The following TTC39B variants were observed in gnomAD, a reference collection of about 807,000 sequenced individuals.
The protein encoded by TTC39B is tetratricopeptide repeat protein 39B.
A neutral mutation model predicts 96.6 loss-of-function variants in TTC39B; 92 were observed. The observed-to-expected ratio is 0.95, with a 90% CI of 0.80 to 1.13. The LOEUF is 1.13. TTC39B is among the 50% of genes most tolerant of loss of function. TTC39B has a pLI of 0.00. For missense variants in TTC39B, 955 were observed against 809.3 expected, an observed-to-expected ratio of 1.18 and a Z score of -2.18; for synonymous variants, 367 against 299.4, an observed-to-expected ratio of 1.23 and a Z score of -2.33.
At chr9:15,234,839 C>G (rs1821693499) in intron 2 of TTC39B, among the ~76,000 whole-genome samples, 3 of 151,898 alleles carry the variant, frequency 2.0e-5, no homozygotes, top group Non-Finnish European at 4.4e-5. Context: ...CAGCATGCTC[C>G]TTAAGAGTCA....
At chr9:15,199,199 A>G (rs1055290743) in intron 8 of TTC39B, among the ~76,000 whole-genome samples, 1 of 152,234 alleles carries the variant, frequency 6.6e-6, no homozygotes, top group Non-Finnish European at 1.5e-5. Flanking sequence ...ATTTCCATCT[A>G]TTGCAGAAAG....
intron 2 of TTC39B, 35 bp from the exon 3 acceptor site, chr9:15,226,047 T>G (rs752246835): frequency 6.9e-6 from 11 of 1,599,426 alleles, no homozygotes; most frequent in Middle Eastern, 3.5e-4. Flanking sequence ...GGTTTTTTAT[T>G]TCTTTGTCCT....
chr9:15,226,386 T>C (rs1367027788), intron 2 of TTC39B, among the ~76,000 whole-genome samples: 1 of 152,204 alleles, frequency 6.6e-6, no homozygotes, highest in African/African-American at 2.4e-5. Context: ...TGGTATACAG[T>C]ATAATGGATT....
At chr9:15,200,727 G>A (rs889274205) in intron 7 of TTC39B, among the ~76,000 whole-genome samples, 15 of 152,322 alleles carry the variant, frequency 9.8e-5, no homozygotes, top group Middle Eastern at 3.4e-3. Context: ...CTGGCTGGGC[G>A]TGGTGGCTCA....
intron 1 of TTC39B, among the ~76,000 whole-genome samples, chr9:15,293,981 A>C (rs1824281708): frequency 6.6e-6 from 1 of 152,190 alleles, no homozygotes; most frequent in Admixed American, 6.5e-5. Flanking sequence ...ACATGGCTGC[A>C]CTGCAGTCTC....
rs938400199 is a variant in TTC39B at position 15,287,418 on chromosome 9, T to C, written c.241-19470A>G. ...CGTAACAGAGTTACGGAAGAGATGA[T>C]TGTCTCCAATTGCCACAGTTGAAAT... is the stretch of plus-strand genomic sequence containing the variant. On this transcript the variant is annotated intron_variant, in intron 1 of 19. Coordinates refer to ENST00000512701, the Ensembl canonical transcript of TTC39B. Among the ~76,000 whole-genome samples the C allele has an allele frequency of 5.9e-5, 9 of 152,296 alleles. No homozygotes were observed. In the East Asian group the frequency reaches 1.5e-3, roughly 26 times the overall value.
At chr9:15,254,733 C>A (rs1822685172) in intron 2 of TTC39B, among the ~76,000 whole-genome samples, 1 of 151,920 alleles carries the variant, frequency 6.6e-6, no homozygotes, top group African/African-American at 2.4e-5. Flanking sequence ...AAGCAAACTA[C>A]ACATTATGGG....
intron 2 of TTC39B, among the ~76,000 whole-genome samples, chr9:15,245,879 C>T (rs941147304): frequency 6.6e-6 from 1 of 152,182 alleles, no homozygotes; most frequent in African/African-American, 2.4e-5. Context: ...TCTGTTTGCT[C>T]TTCTGCAATT....
exon 20 of TTC39B, chr9:15,167,375 G>A (rs1588823688): frequency 6.6e-6 from 1 of 151,492 alleles, no homozygotes; most frequent in African/African-American, 2.4e-5. Flanking sequence ...AGTAATACTG[G>A]CCTAGTTGAG....
intron 16 of TTC39B, chr9:15,183,462 T>C (rs1331500509): frequency 1.1e-5 from 2 of 174,862 alleles, no homozygotes; most frequent in Admixed American, 9.5e-5. Context: ...AATTCCTAGG[T>C]ACAAAAAAAA....
intron 2 of TTC39B, among the ~76,000 whole-genome samples, chr9:15,234,078 G>A (rs1370652683): frequency 3.5e-5 from 5 of 143,100 alleles, no homozygotes; most frequent in South Asian, 4.5e-4. Flanking sequence ...GCCTCTGCCC[G>A]GCCGCGACCC....
At chr9:15,221,323 A>G (rs914128738) in intron 3 of TTC39B, among the ~76,000 whole-genome samples, 1 of 152,214 alleles carries the variant, frequency 6.6e-6, no homozygotes, top group Non-Finnish European at 1.5e-5. Flanking sequence ...AATTATTTAT[A>G]TACTATGAAC....
At chr9:15,289,504 A>C (rs376266477) in intron 1 of TTC39B, among the ~76,000 whole-genome samples, 19 of 152,350 alleles carry the variant, frequency 1.2e-4, no homozygotes, top group African/African-American at 4.3e-4. Flanking sequence ...AGGAGACTGA[A>C]GCTCACAGAG....
chr9:15,169,099 G>A (rs1343291441), exon 20 of TTC39B: 1 of 152,146 alleles, frequency 6.6e-6, no homozygotes, highest in Non-Finnish European at 1.5e-5. Flanking sequence ...CTTTGCAGAA[G>A]AACTGGTTAT....
At chr9:15,299,570 G>C (rs1824506173) in intron 1 of TTC39B, among the ~76,000 whole-genome samples, 4 of 152,008 alleles carry the variant, frequency 2.6e-5, no homozygotes, top group Admixed American at 2.6e-4. Context: ...GTGGCCAATG[G>C]GAGGCTCAAA....
intron 1 of TTC39B, among the ~76,000 whole-genome samples, chr9:15,282,017 A>C (rs1179147510): frequency 6.6e-6 from 1 of 152,190 alleles, no homozygotes; most frequent in African/African-American, 2.4e-5. Context: ...CAAACTTTCA[A>C]TTATACCGTA....
chr9:15,262,845 C>G (rs72700663), intron 2 of TTC39B, among the ~76,000 whole-genome samples: 16 of 152,262 alleles, frequency 1.1e-4, no homozygotes, highest in Non-Finnish European at 2.2e-4. Context: ...CACTTGCTCT[C>G]TGCACCAGAA....
intron 8 of TTC39B, among the ~76,000 whole-genome samples, chr9:15,198,067 G>A (rs1429287686): frequency 6.6e-6 from 1 of 152,108 alleles, no homozygotes; most frequent in East Asian, 1.9e-4. Flanking sequence ...AAGAATATGG[G>A]TAAAGAGAGA....
chr9:15,234,083 C>T (rs1335842940), intron 2 of TTC39B, among the ~76,000 whole-genome samples: 3 of 150,054 alleles, frequency 2.0e-5, no homozygotes, highest in Non-Finnish European at 4.4e-5. Flanking sequence ...TGCCCGGCCG[C>T]GACCCCATCT....
Sources: allele counts gnomAD v4.1 joint callset (sites outside exome capture counted in the v4.1 genomes callset), GRCh38; gene constraint gnomAD v4.1.1; transcripts MANE v1.5; gene names NCBI Gene and HGNC (gene_info 2026-07-23, HGNC 2026-07-21).